The following CNTN6 variants were observed in gnomAD, a reference collection of about 807,000 sequenced individuals.
The protein encoded by CNTN6 is contactin-6.
A neutral mutation model predicts 122.8 loss-of-function variants in CNTN6; 137 were observed. The observed-to-expected ratio is 1.12, with a 90% confidence interval of 0.97 to 1.29. The LOEUF (loss-of-function observed/expected upper bound fraction) is 1.29. CNTN6 is among the 50% of genes most tolerant of loss of function. The pLI, the probability that CNTN6 is intolerant of heterozygous loss-of-function variation, is 0.00. For synonymous variants in CNTN6, 570 were observed against 426.0 expected, an observed-to-expected ratio of 1.34 and a Z score of -4.16; for missense variants, 1,634 against 1,223.4, an observed-to-expected ratio of 1.34 and a Z score of -5.01.
chr3:1,248,313 G>A (rs2094609255), intron 4 of CNTN6, among the ~76,000 whole-genome samples: 1 of 152,132 alleles, frequency 6.6e-6, no homozygotes, highest in East Asian at 1.9e-4. Flanking sequence ...TAAACCACAT[G>A]AGTATTTCAA....
In CNTN6 at chr3:1,373,625, A is replaced by T. The variant is rs1383590796; in HGVS notation, c.1808A>T (p.Asp603Val). Reference sequence around the variant, plus strand: ...CAAGGTCCACCAGGTCCTCCTGAGGATGTGCAAGTGGAAGACATTTCCAGT... The same window carrying T: ...CAAGGTCCACCAGGTCCTCCTGAGGTTGTGCAAGTGGAAGACATTTCCAGT... ...IVRGPPGPPEDVQVEDISSTT... is the reference protein window; with the variant it reads ...IVRGPPGPPEVVQVEDISSTT... Residue 603 changes from aspartate (D) to valine (V), a missense_variant, in exon 15 of 23, where the codon GAT becomes GTT. Coordinates refer to ENST00000446702, the MANE Select transcript of CNTN6 (RefSeq NM_001289080.2). 2 of 1,612,470 alleles carry T rather than the reference A, an allele frequency of 1.2e-6. No individual in the cohort carries two copies. Among genetic ancestry groups the T allele is most frequent in the Non-Finnish European group, 1.7e-6 (2 of 1,179,110 alleles).
intron 20 of CNTN6, among the ~76,000 whole-genome samples, chr3:1,396,313 C>G (rs1034857441): frequency 6.6e-6 from 1 of 152,058 alleles, no homozygotes; most frequent in Non-Finnish European, 1.5e-5. Context: ...GGTCTTTTTT[C>G]TGCTCTATAG....
At chr3:1,243,414 C>G (rs537456800) in intron 4 of CNTN6, among the ~76,000 whole-genome samples, 1 of 152,054 alleles carries the variant, frequency 6.6e-6, no homozygotes, top group Admixed American at 6.6e-5. Context: ...TTATTGTACA[C>G]CTTGAAGACG....
At chr3:1,262,364 G>A (rs2094859732) in intron 4 of CNTN6, among the ~76,000 whole-genome samples, 1 of 152,126 alleles carries the variant, frequency 6.6e-6, no homozygotes, top group Non-Finnish European at 1.5e-5. Flanking sequence ...TTCATGCAAA[G>A]CAGAGTTAAC....
intron 2 of CNTN6, among the ~76,000 whole-genome samples, chr3:1,160,175 G>A (rs114746881): frequency 6.6e-6 from 1 of 151,694 alleles, no homozygotes; most frequent in African/African-American, 2.4e-5. Context: ...AGTATAATGT[G>A]CATAAATTGT....
rs1704681471 is a variant in CNTN6, at chr3:1,346,276, G to A, written c.1365-6048G>A. ...TAGTTCATACAATGCAGGTGCTATC[G>A]TTTGGATATGGATTGTCCCCACTAA... On this transcript the variant is annotated intron_variant, in intron 11 of 22. Transcript: ENST00000446702. Among the ~76,000 whole-genome samples the A allele has an allele frequency of 3.9e-5, 6 of 152,236 alleles. No homozygotes were observed. In the South Asian group the frequency reaches 1.0e-3, roughly 26 times the overall value.
intron 12 of CNTN6, among the ~76,000 whole-genome samples, chr3:1,355,302 G>A (rs1019998703): frequency 2.0e-5 from 3 of 151,566 alleles, no homozygotes; most frequent in African/African-American, 7.3e-5. Flanking sequence ...TTAGAAAGTT[G>A]CTTTATTATT....
At chr3:1,258,034 GC>G (rs2094787882) in intron 4 of CNTN6, among the ~76,000 whole-genome samples, 1 of 152,066 alleles carries the variant, frequency 6.6e-6, no homozygotes, top group South Asian at 2.1e-4. Context: ...TGCCCCCTCT[GC>G]ATTTCCTATA....
In CNTN6 at chr3:1,167,513, C is replaced by T. The variant is rs114408474; in HGVS notation, c.55+19450C>T. ...CACATATTAAAATAATGAAGTGCCC[C>T]GTGAGTCACAATGATCATCACAAAC... On this transcript the variant is annotated intron_variant, in intron 2 of 22. Transcript: ENST00000446702. 4.7e-3 allele frequency among the ~76,000 whole-genome samples: 713 copies of T among 152,216 alleles called. 5 individuals are homozygous for T. The highest frequency in any genetic ancestry group is 0.016 in the African/African-American group (683 of 41,528).
intron 4 of CNTN6, among the ~76,000 whole-genome samples, chr3:1,250,241 T>C (rs930532983): frequency 6.6e-6 from 1 of 152,218 alleles, no homozygotes; most frequent in African/African-American, 2.4e-5. Flanking sequence ...CTCGGTCTAA[T>C]GGACAACAGA....
intron 5 of CNTN6, among the ~76,000 whole-genome samples, chr3:1,288,383 A>T (rs1694715190): frequency 6.6e-6 from 1 of 152,234 alleles, no homozygotes; most frequent in African/African-American, 2.4e-5. Flanking sequence ...TCAGCCTAAT[A>T]TCAATGACTT....
chr3:1,147,825 ATAATAT>A (rs1413080516), intron 1 of CNTN6, 96 bp from the exon 2 acceptor site: 14 of 462,804 alleles, frequency 3.0e-5, no homozygotes, highest in South Asian at 4.3e-5. Context: ...ATTTTGGATA[ATAATAT>A]TAATATTAAA....
chr3:1,185,964 A>G (rs566890612), intron 2 of CNTN6, among the ~76,000 whole-genome samples: 32 of 152,306 alleles, frequency 2.1e-4, no homozygotes, highest in Non-Finnish European at 3.4e-4. Flanking sequence ...TCATTTAACA[A>G]ATATCAATTA....
intron 11 of CNTN6, among the ~76,000 whole-genome samples, chr3:1,337,885 C>A (rs1703296565): frequency 6.6e-6 from 1 of 152,092 alleles, no homozygotes; most frequent in Non-Finnish European, 1.5e-5. Context: ...TCATTTTCCC[C>A]TCTTGCCATC....
intron 1 of CNTN6, among the ~76,000 whole-genome samples, chr3:1,109,619 C>T (rs1483853311): frequency 6.6e-6 from 1 of 151,866 alleles, no homozygotes; most frequent in South Asian, 2.1e-4. Context: ...TTAGAACACA[C>T]AAAAATTTAC....
chr3:1,242,069 T>A (rs1380401042), intron 4 of CNTN6, among the ~76,000 whole-genome samples: 1 of 152,192 alleles, frequency 6.6e-6, no homozygotes, highest in African/African-American at 2.4e-5. Context: ...CGGACACGAT[T>A]GGCAGGGAAA....
intron 5 of CNTN6, among the ~76,000 whole-genome samples, chr3:1,282,277 T>G (rs1019810328): frequency 6.6e-6 from 1 of 152,164 alleles, no homozygotes; most frequent in Non-Finnish European, 1.5e-5. Context: ...CCACCCAGTT[T>G]TGAAGCACAG....
intron 8 of CNTN6, among the ~76,000 whole-genome samples, chr3:1,322,298 A>G (rs1393209831): frequency 3.4e-5 from 5 of 148,454 alleles, no homozygotes; most frequent in African/African-American, 1.3e-4. Context: ...TAATATAAAA[A>G]GAAGGCAATT....
chr3:1,105,119 A>G (rs1431749937), intron 1 of CNTN6, among the ~76,000 whole-genome samples: 4 of 151,812 alleles, frequency 2.6e-5, no homozygotes, highest in Admixed American at 6.6e-5. Flanking sequence ...TAGGAAGACA[A>G]CTCCCTCTGT....
Sources: gnomAD v4.1 joint callset for allele counts (sites outside exome capture counted in the v4.1 genomes callset) on GRCh38, gnomAD v4.1.1 for gene constraint, MANE v1.5 for transcripts, NCBI Gene and HGNC (gene_info 2026-07-23, HGNC 2026-07-21) for gene names.